TUNAR: variants seen among roughly 807,000 people sequenced by gnomAD.
TUNAR encodes protein TUNAR.
chr14:95,885,246 A>G (rs576910035), intron 2 of TUNAR, among the ~76,000 whole-genome samples: 3 of 152,348 alleles, frequency 2.0e-5, no homozygotes, highest in Admixed American at 6.5e-5. Context: ...CTCAGCATCA[A>G]TCTTCTTTGG....
intron 2 of TUNAR, among the ~76,000 whole-genome samples, chr14:95,913,525 T>C (rs1889553301): frequency 6.6e-6 from 1 of 152,208 alleles, no homozygotes; most frequent in African/African-American, 2.4e-5. Context: ...CATTCCGCAA[T>C]TTACTATTGA....
At chr14:95,915,243 C>T (rs549425434) in intron 2 of TUNAR, among the ~76,000 whole-genome samples, 1 of 152,348 alleles carries the variant, frequency 6.6e-6, no homozygotes, top group Admixed American at 6.5e-5. Context: ...TGGGTTCCAA[C>T]TGCCTTAAGC....
At chr14:95,905,240 T>C (rs949254895) in intron 2 of TUNAR, among the ~76,000 whole-genome samples, 2 of 152,158 alleles carry the variant, frequency 1.3e-5, no homozygotes, top group Admixed American at 6.5e-5. Flanking sequence ...CAACGTGTAA[T>C]ACTATTAACT....
exon 3 of TUNAR, chr14:95,925,546 C>G (rs1157511656): frequency 6.6e-6 from 1 of 151,824 alleles, no homozygotes; most frequent in Non-Finnish European, 1.5e-5. Context: ...ACAGAATAAA[C>G]AATAAAGGTG....
intron 2 of TUNAR, among the ~76,000 whole-genome samples, chr14:95,883,948 G>GA (rs1391822600): frequency 6.6e-6 from 1 of 152,090 alleles, no homozygotes; most frequent in Non-Finnish European, 1.5e-5. Context: ...CTCTCACCTT[G>GA]AGCACAGTGG....
chr14:95,887,063 G>A (rs955719354), intron 2 of TUNAR, among the ~76,000 whole-genome samples: 6 of 152,188 alleles, frequency 3.9e-5, no homozygotes, highest in African/African-American at 1.4e-4. Context: ...CAGGATCTGG[G>A]CATGGAAATC....
intron 2 of TUNAR, among the ~76,000 whole-genome samples, chr14:95,898,905 A>C (rs1889304921): frequency 2.0e-5 from 3 of 152,158 alleles, no homozygotes; most frequent in African/African-American, 7.2e-5. Context: ...AAAGTCTAGC[A>C]GCTGTTGTGA....
rs1889716413 is a variant in TUNAR, at chr14:95,922,655, T to A, written c.13-126T>A. 5 of 394,966 alleles carry A rather than the reference T, an allele frequency of 1.3e-5. No individual in the cohort carries two copies. The Admixed American group carries it at 1.3e-4, about 10-fold the overall frequency. The allele number at this position is 394,966 out of a possible 1,614,324, so 24.5% of individuals were successfully genotyped here. A position where few individuals can be genotyped will look rare whatever the true frequency, so the allele number is the denominator to read the frequency against. On this transcript the variant is annotated intron_variant, in intron 2 of 2. Transcript: ENST00000678517. ...AAGGTGTCCCAAGGTAGGATCCTTG[T>A]GGGATTTGTCATTCTCCCACCATGT...
At chr14:95,915,259 C>T (rs1889583623) in intron 2 of TUNAR, among the ~76,000 whole-genome samples, 1 of 152,192 alleles carries the variant, frequency 6.6e-6, no homozygotes, top group African/African-American at 2.4e-5. Flanking sequence ...TAAGCAAAAA[C>T]ACTGTTTTTT....
At chr14:95,912,756 TC>T (rs1179831214) in intron 2 of TUNAR, among the ~76,000 whole-genome samples, 6 of 152,222 alleles carry the variant, frequency 3.9e-5, no homozygotes, top group Admixed American at 6.5e-5. Context: ...CCTGTGCTTT[TC>T]CCCTTATCAC....
intron 2 of TUNAR, among the ~76,000 whole-genome samples, chr14:95,918,914 C>T (rs1338364380): frequency 6.6e-6 from 1 of 152,206 alleles, no homozygotes; most frequent in East Asian, 1.9e-4. Context: ...AGCACCCACT[C>T]ATTCATTCAG....
At chr14:95,910,897 C>T (rs1364730067) in intron 2 of TUNAR, among the ~76,000 whole-genome samples, 1 of 152,234 alleles carries the variant, frequency 6.6e-6, no homozygotes, top group African/African-American at 2.4e-5. Flanking sequence ...GCAGAGCTGG[C>T]GGCCACCCTG....
chr14:95,897,038 T>A (rs747063222), intron 2 of TUNAR, among the ~76,000 whole-genome samples: 2 of 152,250 alleles, frequency 1.3e-5, no homozygotes, highest in African/African-American at 2.4e-5. Context: ...AAACCGTTTT[T>A]AAAAGTTAAC....
chr14:95,883,723 C>CCG (rs1555375482), intron 2 of TUNAR, among the ~76,000 whole-genome samples: 3 of 137,248 alleles, frequency 2.2e-5, no homozygotes, highest in Non-Finnish European at 5.0e-5. Context: ...GGCCAAGCCA[C>CCG]CCCCCCGCCG....
Position 95,900,572 on chromosome 14 carries a change from T to C in TUNAR, c.13-22209T>C, listed in dbSNP as rs958467401. On this transcript the variant is annotated intron_variant, in intron 2 of 2. Transcript: ENST00000678517. ...CATGCGAAGGTTTGGGTTTCTTGTCTGGTGAGGGCACAGTGCCTCCTTCTT... is the reference window on the plus strand; with the variant it reads ...CATGCGAAGGTTTGGGTTTCTTGTCCGGTGAGGGCACAGTGCCTCCTTCTT... Among the ~76,000 whole-genome samples, 3 of 152,214 alleles carry C rather than the reference T, an allele frequency of 2.0e-5. No homozygotes were observed. In the East Asian group the frequency reaches 5.8e-4, roughly 29 times the overall value.
At chr14:95,882,923 G>A (rs1889004376) in intron 2 of TUNAR, among the ~76,000 whole-genome samples, 1 of 152,214 alleles carries the variant, frequency 6.6e-6, no homozygotes, top group Admixed American at 6.5e-5. Context: ...GCCCCTGAGA[G>A]CATCACGTGC....
In TUNAR at chr14:95,909,282, C is replaced by CTTT. The variant is rs3044246; in HGVS notation, c.13-13482_13-13480dup. Reference sequence around the variant, plus strand: ...AACAAGGTTATCCTTGCTGCCATCTCTTTTTTTTTTTTTTTTTTTGAGGTG... The same window carrying CTTT: ...AACAAGGTTATCCTTGCTGCCATCTCTTTTTTTTTTTTTTTTTTTTTTGAGGTG... On this transcript the variant is annotated intron_variant, in intron 2 of 2. Transcript: ENST00000678517. 5.3e-3 allele frequency among the ~76,000 whole-genome samples: 671 copies of CTTT among 125,912 alleles called. 21 individuals are homozygous for CTTT. The highest frequency in any genetic ancestry group is 0.019 in the African/African-American group (584 of 31,254). 82.6% of individuals were successfully genotyped at this position (125,912 alleles called of 152,430 possible). A position where few individuals can be genotyped will look rare whatever the true frequency, so the allele number is the denominator to read the frequency against.
At chr14:95,912,830 G>C (rs145727352) in intron 2 of TUNAR, among the ~76,000 whole-genome samples, 1 of 150,430 alleles carries the variant, frequency 6.6e-6, no homozygotes, top group Non-Finnish European at 1.5e-5. Context: ...TCGCTCTGTC[G>C]CCCAGGCTGG....
intron 2 of TUNAR, among the ~76,000 whole-genome samples, chr14:95,911,459 A>T (rs1341070041): frequency 6.6e-6 from 1 of 152,126 alleles, no homozygotes; most frequent in African/African-American, 2.4e-5. Context: ...CTTGTCTTCC[A>T]TTTGTACATG....
Sources: allele counts gnomAD v4.1 joint callset (sites outside exome capture counted in the v4.1 genomes callset), GRCh38; gene constraint gnomAD v4.1.1; transcripts MANE v1.5; gene names NCBI Gene and HGNC (gene_info 2026-07-23, HGNC 2026-07-21).